The following LHFPL3 variants were observed in gnomAD, a reference collection of about 807,000 sequenced individuals.
The protein encoded by LHFPL3 is LHFPL tetraspan subfamily member 3, also known as LHFPL tetraspan subfamily member 3 protein.
LHFPL3 carries 5 observed loss-of-function variants against 19.3 expected under a neutral mutation model. That is an observed-to-expected ratio of 0.26 (90% CI 0.14 to 0.54). The LOEUF (loss-of-function observed/expected upper bound fraction) is 0.54, where lower values mean the gene tolerates loss of function less well. Among genes scored for constraint, LHFPL3 ranks in the 20% least tolerant of loss-of-function variants. The pLI is 0.94. For synonymous variants in LHFPL3, 133 were observed against 126.2 expected, an observed-to-expected ratio of 1.05 and a Z score of -0.36; for missense variants, 249 against 307.4, an observed-to-expected ratio of 0.81 and a Z score of 1.42.
At chr7:104,739,317 T>C (rs564961728) in intron 2 of LHFPL3, among the ~76,000 whole-genome samples, 1 of 152,202 alleles carries the variant, frequency 6.6e-6, no homozygotes, top group African/African-American at 2.4e-5. Flanking sequence ...CAAAGTCAGA[T>C]TGTTTGCGGA....
chr7:104,847,552 C>T (rs2116606320), intron 2 of LHFPL3, among the ~76,000 whole-genome samples: 1 of 152,222 alleles, frequency 6.6e-6, no homozygotes, highest in South Asian at 2.1e-4. Flanking sequence ...GCTCTGTTGC[C>T]CAGACTGGAG....
At chr7:104,533,055 T>C (rs1475983225) in intron 1 of LHFPL3, among the ~76,000 whole-genome samples, 1 of 152,234 alleles carries the variant, frequency 6.6e-6, no homozygotes, top group African/African-American at 2.4e-5. Context: ...CATTTACTCA[T>C]GGCTATATAT....
intron 1 of LHFPL3, among the ~76,000 whole-genome samples, chr7:104,595,025 T>G (rs775663972): frequency 6.6e-5 from 10 of 152,246 alleles, no homozygotes; most frequent in Non-Finnish European, 1.0e-4. Context: ...ACCGACCTTC[T>G]GAAGCCTACT....
intron 2 of LHFPL3, among the ~76,000 whole-genome samples, chr7:104,864,746 G>A (rs1016407178): frequency 6.6e-6 from 1 of 152,148 alleles, no homozygotes; most frequent in African/African-American, 2.4e-5. Context: ...AGAGAGTAGT[G>A]GTTCTACCAG....
chr7:104,646,564 G>A (rs987083471), intron 1 of LHFPL3, among the ~76,000 whole-genome samples: 5 of 152,248 alleles, frequency 3.3e-5, no homozygotes, highest in South Asian at 4.1e-4. Flanking sequence ...AACTCAATAA[G>A]AAAATTGTTT....
Position 104,343,512 on chromosome 7 carries a change from C to CAAAAAAAAAAAA in LHFPL3, c.445+14316_445+14327dup, listed in dbSNP as rs536122769. On this transcript the variant is annotated intron_variant, in intron 1 of 2. Coordinates refer to ENST00000424859, the MANE Select transcript of LHFPL3 (RefSeq NM_199000.3). ...TGGGCAACAGAGTGAGACTCTGTCTCAAAAAAAAAAAAAAAAAAAAAAAAA... is the reference window on the plus strand; with the variant it reads ...TGGGCAACAGAGTGAGACTCTGTCTCAAAAAAAAAAAAAAAAAAAAAAAAAAAAAAAAAAAAA... Among the ~76,000 whole-genome samples the CAAAAAAAAAAAA allele has an allele frequency of 3.6e-4, 17 of 47,474 alleles. 3 individuals carry two copies. The highest frequency in any genetic ancestry group is 9.6e-4 in the South Asian group (1 of 1,046). 31.1% of individuals were successfully genotyped at this position (47,474 alleles called of 152,430 possible). A position where few individuals can be genotyped will look rare whatever the true frequency, so the allele number is the denominator to read the frequency against.
chr7:104,358,431 A>T (rs1375269441), intron 1 of LHFPL3, among the ~76,000 whole-genome samples: 1 of 152,160 alleles, frequency 6.6e-6, no homozygotes, highest in Non-Finnish European at 1.5e-5. Context: ...TAAAAGTGTC[A>T]GTTTCATATG....
At chr7:104,525,347 A>C (rs1292025525) in intron 1 of LHFPL3, among the ~76,000 whole-genome samples, 1 of 152,080 alleles carries the variant, frequency 6.6e-6, no homozygotes, top group African/African-American at 2.4e-5. Flanking sequence ...AAAATATTCA[A>C]GGGGCCTCCT....
chr7:104,741,042 A>T (rs140349199), intron 2 of LHFPL3, among the ~76,000 whole-genome samples: 1 of 152,354 alleles, frequency 6.6e-6, no homozygotes, highest in African/African-American at 2.4e-5. Context: ...GGAATACAAG[A>T]TGCTGCTGAA....
chr7:104,678,434 T>A (rs1366249829), intron 1 of LHFPL3, among the ~76,000 whole-genome samples: 3 of 152,200 alleles, frequency 2.0e-5, no homozygotes, highest in Non-Finnish European at 2.9e-5. Flanking sequence ...GGTGACCACT[T>A]AAAAGGAAGA....
intron 2 of LHFPL3, among the ~76,000 whole-genome samples, chr7:104,776,090 G>T (rs151141912): frequency 1.4e-3 from 216 of 152,314 alleles, no homozygotes; most frequent in African/African-American, 5.0e-3. Flanking sequence ...TATAACGCCA[G>T]TGGGTTTTAA....
At chr7:104,377,751 C>T (rs1003055415) in intron 1 of LHFPL3, among the ~76,000 whole-genome samples, 1 of 152,198 alleles carries the variant, frequency 6.6e-6, no homozygotes, top group African/African-American at 2.4e-5. Context: ...AGTATCTGCT[C>T]AGCATTACAT....
chr7:104,673,884 T>G (rs1225487685), intron 1 of LHFPL3, among the ~76,000 whole-genome samples: 1 of 152,218 alleles, frequency 6.6e-6, no homozygotes, highest in African/African-American at 2.4e-5. Flanking sequence ...TGGAAATGTA[T>G]CTATGTGATT....
chr7:104,432,713 A>G (rs556638241), intron 1 of LHFPL3, among the ~76,000 whole-genome samples: 12 of 152,292 alleles, frequency 7.9e-5, no homozygotes, highest in South Asian at 2.1e-4. Flanking sequence ...GGTTGCCTCT[A>G]TCTGTCAGGA....
intron 2 of LHFPL3, among the ~76,000 whole-genome samples, chr7:104,851,474 T>C (rs937244472): frequency 6.6e-6 from 1 of 152,212 alleles, no homozygotes; most frequent in African/African-American, 2.4e-5. Flanking sequence ...GATAGCTGAT[T>C]ATGAAACTGC....
chr7:104,877,639 G>A (rs1055013501), intron 2 of LHFPL3, among the ~76,000 whole-genome samples: 1 of 152,086 alleles, frequency 6.6e-6, no homozygotes, highest in African/African-American at 2.4e-5. Flanking sequence ...TGAAGATATG[G>A]AGAAAGTGAA....
At chr7:104,802,222 C>T (rs1024596041) in intron 2 of LHFPL3, among the ~76,000 whole-genome samples, 1 of 152,078 alleles carries the variant, frequency 6.6e-6, no homozygotes, top group Non-Finnish European at 1.5e-5. Flanking sequence ...GGGCCAGGCA[C>T]ACTGGCTCAC....
chr7:104,811,275 G>A (rs1043105908), intron 2 of LHFPL3, among the ~76,000 whole-genome samples: 1 of 151,312 alleles, frequency 6.6e-6, no homozygotes, highest in Non-Finnish European at 1.5e-5. Flanking sequence ...ACTTACTGTA[G>A]CCTCAACCTC....
At chr7:104,404,821 C>T (rs576225869) in intron 1 of LHFPL3, among the ~76,000 whole-genome samples, 1 of 152,192 alleles carries the variant, frequency 6.6e-6, no homozygotes, top group African/African-American at 2.4e-5. Context: ...TACTTTGATC[C>T]TGTGATACTT....
Sources: allele counts gnomAD v4.1 joint callset (sites outside exome capture counted in the v4.1 genomes callset), GRCh38; gene constraint gnomAD v4.1.1; transcripts MANE v1.5; gene names NCBI Gene and HGNC (gene_info 2026-07-23, HGNC 2026-07-21).